Variants in DYM observed in about 807,000 individuals in gnomAD.
DYM encodes dymeclin.
In DYM, 78 loss-of-function variants were observed where a neutral mutation model predicts 93.1. That is an observed-to-expected ratio of 0.84 (90% CI 0.70 to 1.01). DYM has a LOEUF of 1.01. DYM is among the 50% of genes least tolerant of loss of function. DYM has a pLI of 0.00. For missense variants in DYM, 789 were observed against 845.0 expected (o/e 0.93, Z 0.82); for synonymous variants, 321 against 319.7 (o/e 1.00, Z -0.04).
chr18:49,143,514 A>T (rs1020423758), intron 15 of DYM, among the ~76,000 whole-genome samples: 10 of 152,156 alleles, frequency 6.6e-5, no homozygotes, highest in Non-Finnish European at 1.3e-4. Flanking sequence ...TTCTCATAAA[A>T]TTTGGCAAGC....
chr18:49,311,208 G>A (rs141793746), intron 8 of DYM, among the ~76,000 whole-genome samples: 1 of 152,186 alleles, frequency 6.6e-6, no homozygotes, highest in Non-Finnish European at 1.5e-5. Flanking sequence ...GAAGGATCAT[G>A]TAAGTGGAAC....
At chr18:49,399,942 T>C (rs1231544253) in intron 2 of DYM, among the ~76,000 whole-genome samples, 201 of 125,114 alleles carry the variant, frequency 1.6e-3, no homozygotes, top group African/African-American at 6.3e-3. Context: ...TTCTTTTTTT[T>C]TTTTTTTTTT....
intron 5 of DYM, among the ~76,000 whole-genome samples, chr18:49,370,291 A>AC (rs1256742829): frequency 6.6e-6 from 1 of 150,474 alleles, no homozygotes; most frequent in Non-Finnish European, 1.5e-5. Flanking sequence ...AAAAAAAAAA[A>AC]AAAAAAAACA....
intron 2 of DYM, among the ~76,000 whole-genome samples, chr18:49,408,063 C>CAAA (rs34147044): frequency 7.2e-5 from 9 of 125,772 alleles, no homozygotes; most frequent in Non-Finnish European, 8.2e-5. Flanking sequence ...GACCTCATCT[C>CAAA]AAAAAAAAAA....
intron 2 of DYM, among the ~76,000 whole-genome samples, chr18:49,407,120 C>T (rs1342121261): frequency 6.6e-6 from 1 of 152,132 alleles, no homozygotes; most frequent in Admixed American, 6.5e-5. Context: ...ATGTAAAATT[C>T]CATTTACATA....
intron 8 of DYM, among the ~76,000 whole-genome samples, chr18:49,290,694 G>A (rs1444866475): frequency 2.0e-5 from 3 of 151,908 alleles, no homozygotes; most frequent in African/African-American, 4.8e-5. Context: ...TTTGTTTTAA[G>A]AACTTGCAAA....
At chr18:49,117,469 A>G (rs1164615011) in intron 16 of DYM, among the ~76,000 whole-genome samples, 1 of 152,174 alleles carries the variant, frequency 6.6e-6, no homozygotes, top group Non-Finnish European at 1.5e-5. Flanking sequence ...TCATATCTTT[A>G]TTAGCCATTT....
chr18:49,412,606 CAAAGAA>C (rs1375859105), intron 2 of DYM, among the ~76,000 whole-genome samples: 1 of 152,058 alleles, frequency 6.6e-6, no homozygotes, highest in Admixed American at 6.6e-5. Context: ...AGCAAACCTA[CAAAGAA>C]AAAGTTAAAA....
chr18:49,243,867 T>C (rs551636386), intron 13 of DYM, among the ~76,000 whole-genome samples: 10 of 152,124 alleles, frequency 6.6e-5, no homozygotes, highest in Non-Finnish European at 1.5e-5. Context: ...CAGTAAGTTA[T>C]GACAGAGTTG....
intron 8 of DYM, among the ~76,000 whole-genome samples, chr18:49,289,790 CACACATATATATATATAT>C (rs2059986562): frequency 1.1e-4 from 4 of 35,724 alleles, no homozygotes; most frequent in Non-Finnish European, 1.6e-4. Context: ...TATATATATA[CACACATATATATATATAT>C]ACACATATAT....
intron 1 of DYM, among the ~76,000 whole-genome samples, chr18:49,459,018 A>G (rs2083247270): frequency 6.6e-6 from 1 of 152,254 alleles, no homozygotes; most frequent in Admixed American, 6.5e-5. Flanking sequence ...GGTAATGGGT[A>G]CATGGGAGTA....
intron 13 of DYM, among the ~76,000 whole-genome samples, chr18:49,213,515 C>A (rs778517228): frequency 1.3e-5 from 2 of 152,112 alleles, no homozygotes; most frequent in Non-Finnish European, 2.9e-5. Flanking sequence ...GGGGTTTCCC[C>A]ATATTGGTCA....
chr18:49,365,840 T>A lies in DYM; in HGVS notation c.422-2607A>T, dbSNP rs1156488925. ...GGTATAAAAACACCTAATTTTTACA[T>A]CTTAAAATGATGACAAGGATTCTCT... On this transcript the variant is annotated intron_variant, in intron 5 of 17. Transcript: ENST00000675505. Among the ~76,000 whole-genome samples the A allele has an allele frequency of 3.9e-5, 6 of 152,172 alleles. No homozygotes were observed. The South Asian group carries it at 1.0e-3, about 26-fold the overall frequency.
rs138748200 is a variant in DYM at position 49,208,749 on chromosome 18, G to C, written c.1625+802C>G. On this transcript the variant is annotated intron_variant, in intron 14 of 17. Transcript: ENST00000675505. Reference sequence around the variant, plus strand: ...TTCATCTAAATCATCTGGCAGTGAAGTTATTGCCTTAAATCACCATATCTA... The same window carrying C: ...TTCATCTAAATCATCTGGCAGTGAACTTATTGCCTTAAATCACCATATCTA... 5 of 152,098 alleles carry C rather than the reference G, an allele frequency of 3.3e-5. No individual in the cohort carries two copies. The East Asian group carries it at 9.6e-4, about 29-fold the overall frequency. The allele number at this position is 152,098 out of a possible 1,614,324, so 9.4% of individuals were successfully genotyped here. A position where few individuals can be genotyped will look rare whatever the true frequency, so the allele number is the denominator to read the frequency against.
intron 13 of DYM, among the ~76,000 whole-genome samples, chr18:49,233,484 G>A (rs1223451371): frequency 6.6e-6 from 1 of 151,866 alleles, no homozygotes; most frequent in East Asian, 1.9e-4. Context: ...GTGTTCAGAT[G>A]TAGTTACATG....
Position 49,260,249 on chromosome 18 carries a change from G to A in DYM, c.1252-1756C>T, listed in dbSNP as rs547262149. 1.5e-3 allele frequency among the ~76,000 whole-genome samples: 230 copies of A among 152,170 alleles called. 2 individuals carry two copies. Among genetic ancestry groups the A allele is most frequent in the Non-Finnish European group, 1.9e-3 (132 of 68,026 alleles). On this transcript the variant is annotated intron_variant, in intron 11 of 17. Transcript: ENST00000675505. ...CAAAAAATTAGCCGGGTGTAGTAGT[G>A]TACGCCTATATAGTCCCAGCTACTC...
intron 16 of DYM, among the ~76,000 whole-genome samples, chr18:49,107,243 G>A (rs1037283054): frequency 6.6e-6 from 1 of 152,160 alleles, no homozygotes; most frequent in Non-Finnish European, 1.5e-5. Context: ...TCGTTCCTTG[G>A]TTTTCAGCTC....
intron 8 of DYM, among the ~76,000 whole-genome samples, chr18:49,313,920 C>T (rs2061764803): frequency 6.6e-6 from 1 of 152,038 alleles, no homozygotes; most frequent in African/African-American, 2.4e-5. Flanking sequence ...TGACATTTGT[C>T]TTGCACCACT....
chr18:49,063,101 T>C (rs1270079273), intron 17 of DYM, among the ~76,000 whole-genome samples: 2 of 152,156 alleles, frequency 1.3e-5, no homozygotes, highest in Non-Finnish European at 2.9e-5. Flanking sequence ...CACACCTATT[T>C]TTAGGACAAA....
Sources: allele counts gnomAD v4.1 joint callset (sites outside exome capture counted in the v4.1 genomes callset), GRCh38; gene constraint gnomAD v4.1.1; transcripts MANE v1.5; gene names NCBI Gene and HGNC (gene_info 2026-07-23, HGNC 2026-07-21).